The following TLN2 variants were observed in gnomAD, a reference collection of about 807,000 sequenced individuals.
The protein encoded by TLN2 is talin-2.
Under a neutral mutation model 294.7 loss-of-function variants are expected in TLN2, and 118 were observed. The observed-to-expected ratio is 0.40, with a 90% CI of 0.34 to 0.47. TLN2 has a LOEUF of 0.47. Among genes scored for constraint, TLN2 ranks in the 20% least tolerant of loss-of-function variants. TLN2 has a pLI of 0.84. For synonymous variants in TLN2, 1,431 were observed against 1,304.5 expected, an observed-to-expected ratio of 1.10 and a Z score of -2.09; for missense variants, 3,083 against 3,282.2, an observed-to-expected ratio of 0.94 and a Z score of 1.48.
At chr15:62,391,114 C>T (rs921681501) in intron 1 of TLN2, among the ~76,000 whole-genome samples, 5 of 152,226 alleles carry the variant, frequency 3.3e-5, no homozygotes, top group Admixed American at 3.3e-4. Flanking sequence ...CAGCCGGGCC[C>T]CCGCGCCAGA....
chr15:62,578,922 C>T (rs893259122), intron 1 of TLN2, among the ~76,000 whole-genome samples: 3 of 152,040 alleles, frequency 2.0e-5, no homozygotes, highest in African/African-American at 7.3e-5. Flanking sequence ...GTCTTAGCAC[C>T]CTATGTTGTG....
At position 62,840,487 on chromosome 15, in the gene TLN2, C is replaced by G. The variant is rs779217995; in HGVS notation, c.7506C>G (p.Ile2502Met). The part of the protein sequence containing the change: ...TKFVGGIAQI[I>M]AAQEEMLKKE... Reference sequence around the variant, plus strand: ...GCTTGTTGCTTTCTTTCTAGATCATCGCCGCCCAGGAAGAAATGCTAAAGA... The same window carrying G: ...GCTTGTTGCTTTCTTTCTAGATCATGGCCGCCCAGGAAGAAATGCTAAAGA... Residue 2502 changes from isoleucine (I) to methionine (M), a missense_variant, in exon 59 of 59, where the codon ATC (isoleucine) becomes ATG (methionine). Transcript: ENST00000636159. 6.2e-7 allele frequency: 1 copy of G among 1,614,014 alleles called. No homozygotes were observed. The highest frequency in any genetic ancestry group is 2.2e-5 in the East Asian group (1 of 44,876).
chr15:62,415,899 C>G (rs1319355876), intron 1 of TLN2, among the ~76,000 whole-genome samples: 1 of 152,066 alleles, frequency 6.6e-6, no homozygotes, highest in Non-Finnish European at 1.5e-5. Context: ...CTTAAAGGGA[C>G]CCTATTTTAG....
intron 9 of TLN2, among the ~76,000 whole-genome samples, chr15:62,666,159 G>T (rs1284547619): frequency 6.6e-6 from 1 of 152,172 alleles, no homozygotes; most frequent in Non-Finnish European, 1.5e-5. Flanking sequence ...ATTTGGATTG[G>T]TTCAGGATGA....
intron 1 of TLN2, among the ~76,000 whole-genome samples, chr15:62,412,795 G>C (rs1221064830): frequency 6.6e-6 from 1 of 152,182 alleles, no homozygotes; most frequent in East Asian, 1.9e-4. Flanking sequence ...AATACCCTGC[G>C]AGGCACTTGC....
chr15:62,412,072 A>G (rs1193550704), intron 1 of TLN2, among the ~76,000 whole-genome samples: 2 of 151,950 alleles, frequency 1.3e-5, no homozygotes, highest in Non-Finnish European at 2.9e-5. Flanking sequence ...GGGTTAGATC[A>G]TAAGTCTCTT....
At chr15:62,528,615 T>C (rs1262927325) in intron 1 of TLN2, among the ~76,000 whole-genome samples, 15 of 151,678 alleles carry the variant, frequency 9.9e-5, no homozygotes, top group East Asian at 3.9e-4. Flanking sequence ...GCAGGGGCTA[T>C]GTCTGGCAAA....
intron 2 of TLN2, among the ~76,000 whole-genome samples, chr15:62,607,412 C>G (rs1012172900): frequency 2.6e-5 from 4 of 152,090 alleles, no homozygotes; most frequent in African/African-American, 9.7e-5. Flanking sequence ...TATTCTGTTG[C>G]CTTTGGATTG....
At chr15:62,453,709 A>G (rs1052088140) in intron 1 of TLN2, 1 of 152,228 alleles carries the variant, frequency 6.6e-6, no homozygotes, top group African/African-American at 2.4e-5. Flanking sequence ...AGAATTCAAC[A>G]AAAACGCAAC....
chr15:62,599,597 A>G (rs919631829), intron 2 of TLN2, among the ~76,000 whole-genome samples: 4 of 152,242 alleles, frequency 2.6e-5, no homozygotes, highest in African/African-American at 9.6e-5. Context: ...AGAGGGAAAC[A>G]TCAGTGAAGT....
intron 19 of TLN2, among the ~76,000 whole-genome samples, chr15:62,704,151 T>TTA (rs1289544938): frequency 2.0e-5 from 3 of 152,086 alleles, no homozygotes; most frequent in Non-Finnish European, 4.4e-5. Context: ...AATTATTTAT[T>TTA]TATATATATA....
chr15:62,683,121 C>T (rs2056976496), intron 11 of TLN2: 1 of 152,264 alleles, frequency 6.6e-6, no homozygotes, highest in South Asian at 2.1e-4. Context: ...GCCAAGCCAA[C>T]CTAGAACTCT....
At chr15:62,810,166 T>C (rs940814203) in intron 52 of TLN2, 134 bp downstream of exon 52, 6 of 759,392 alleles carry the variant, frequency 7.9e-6, no homozygotes, top group South Asian at 4.8e-5. Context: ...TGGGACTGGA[T>C]TGAACTGGAA....
At chr15:62,487,792 A>G (rs1394084853) in intron 1 of TLN2, among the ~76,000 whole-genome samples, 1 of 152,126 alleles carries the variant, frequency 6.6e-6, no homozygotes, top group Non-Finnish European at 1.5e-5. Context: ...AGTCCCAGCT[A>G]CTTGGGAGGC....
chr15:62,745,462 A>G (rs1307704764), intron 32 of TLN2, among the ~76,000 whole-genome samples: 2 of 152,164 alleles, frequency 1.3e-5, no homozygotes, highest in African/African-American at 4.8e-5. Flanking sequence ...AGATTTATTG[A>G]AATTTTTTCT....
intron 1 of TLN2, among the ~76,000 whole-genome samples, chr15:62,408,920 A>C (rs1372571059): frequency 6.6e-6 from 1 of 151,886 alleles, no homozygotes; most frequent in Non-Finnish European, 1.5e-5. Context: ...TCGGCCTCCC[A>C]AAGTGCTGGG....
chr15:62,503,353 CT>C (rs1370696742), intron 1 of TLN2, among the ~76,000 whole-genome samples: 1 of 152,210 alleles, frequency 6.6e-6, no homozygotes, highest in East Asian at 1.9e-4. Flanking sequence ...AGTAGGATTT[CT>C]TCACATCTTT....
intron 1 of TLN2, among the ~76,000 whole-genome samples, chr15:62,574,579 C>CAAAAAAAAAAAAAAAAAAAAAA (rs56279063): frequency 6.5e-5 from 3 of 46,490 alleles, no homozygotes; most frequent in Non-Finnish European, 1.1e-4. Flanking sequence ...GACCCTGTCT[C>CAAAAAAAAAAAAAAAAAAAAAA]AAAAAAAAAA....
chr15:62,593,627 T>C (rs890783578), intron 2 of TLN2, among the ~76,000 whole-genome samples: 3 of 152,244 alleles, frequency 2.0e-5, no homozygotes, highest in Non-Finnish European at 2.9e-5. Flanking sequence ...TTGAGTATTT[T>C]TCTATAGAAC....
Sources: allele counts gnomAD v4.1 joint callset (sites outside exome capture counted in the v4.1 genomes callset), GRCh38; gene constraint gnomAD v4.1.1; transcripts MANE v1.5; gene names NCBI Gene and HGNC (gene_info 2026-07-23, HGNC 2026-07-21).